Variants in TMEM45A observed in about 807,000 individuals in gnomAD.
TMEM45A encodes transmembrane protein 45A.
In TMEM45A, 25 loss-of-function variants were observed where a neutral mutation model predicts 32.0. The observed-to-expected ratio is 0.78, with a 90% CI of 0.57 to 1.09. The LOEUF is 1.09. TMEM45A is among the 50% of genes least tolerant of loss of function. The pLI, the probability that TMEM45A is intolerant of heterozygous loss-of-function variation, is 0.00. For synonymous variants in TMEM45A, 122 were observed against 114.8 expected (o/e 1.06, Z -0.40); for missense variants, 302 against 325.0 (o/e 0.93, Z 0.54).
At chr3:100,499,206 ATTTC>A (rs1181452114) in intron 1 of TMEM45A, among the ~76,000 whole-genome samples, 1 of 152,092 alleles carries the variant, frequency 6.6e-6, no homozygotes, top group African/African-American at 2.4e-5. Flanking sequence ...TGATGGTCTA[ATTTC>A]TTTATTTTTT....
chr3:100,532,420 G>A (rs930217449), intron 1 of TMEM45A, among the ~76,000 whole-genome samples: 12 of 152,282 alleles, frequency 7.9e-5, no homozygotes, highest in Middle Eastern at 3.4e-3. Context: ...AGGCTTTTCC[G>A]GCTTTAATGT....
At position 100,548,425 on chromosome 3, in the gene TMEM45A, T is replaced by G. The variant is rs533813884; in HGVS notation, c.-3-6784T>G. Among the ~76,000 whole-genome samples, 7 of 152,346 alleles carry G rather than the reference T, an allele frequency of 4.6e-5. No homozygotes were observed. In the East Asian group the frequency reaches 1.3e-3, roughly 29 times the overall value. On this transcript the variant is annotated intron_variant, in intron 1 of 5. Coordinates refer to ENST00000323523, the MANE Select transcript of TMEM45A (RefSeq NM_018004.3). ...ATTTGGAAGGCTGGGCTTGCTAAGC[T>G]GAGAGTGAACGAGAAGCTCTCTTGC...
rs542338589 is a variant in TMEM45A, at chr3:100,565,282, C to T, written c.589-3540C>T. Among the ~76,000 whole-genome samples the T allele has an allele frequency of 2.6e-5, 4 of 152,282 alleles. No homozygotes were observed. In the South Asian group the frequency reaches 8.3e-4, roughly 32 times the overall value. On this transcript the variant is annotated intron_variant, in intron 4 of 5. Coordinates refer to ENST00000323523, the MANE Select transcript of TMEM45A (RefSeq NM_018004.3). ...ATGTACATGAGTGAGGATTACGTGA[C>T]AAGCACGTGGTGGTACCGCCATCTG...
At chr3:100,530,150 T>C (rs1003855073) in intron 1 of TMEM45A, among the ~76,000 whole-genome samples, 2 of 152,220 alleles carry the variant, frequency 1.3e-5, no homozygotes, top group African/African-American at 2.4e-5. Context: ...TATTCTTCCA[T>C]CCATTTCTCC....
chr3:100,559,160 T>C (rs1365209244), intron 4 of TMEM45A, among the ~76,000 whole-genome samples: 1 of 152,208 alleles, frequency 6.6e-6, no homozygotes, highest in Non-Finnish European at 1.5e-5. Flanking sequence ...GTTAACTCTT[T>C]AACCTTGATG....
chr3:100,532,450 A>T (rs962932138), intron 1 of TMEM45A, among the ~76,000 whole-genome samples: 5 of 152,224 alleles, frequency 3.3e-5, no homozygotes, highest in African/African-American at 1.2e-4. Flanking sequence ...ATCATTTAAA[A>T]ATGCAGATTC....
chr3:100,550,976 CTTTCAGTCCGTCTTTTTAGGCCTGGG>C, intron 1 of TMEM45A, among the ~76,000 whole-genome samples: 1 of 145,148 alleles, frequency 6.9e-6, no homozygotes, highest in South Asian at 2.2e-4. Flanking sequence ...ATGATGAAAT[CTTTCAGTCCGTCTTTTTAGGCCTGGG>C]TGAACTGCTT....
chr3:100,518,626 T>C (rs1576266115), intron 1 of TMEM45A, among the ~76,000 whole-genome samples: 1 of 152,218 alleles, frequency 6.6e-6, no homozygotes, highest in Non-Finnish European at 1.5e-5. Flanking sequence ...GAAATGGCCT[T>C]ATTGACTGGC....
At chr3:100,541,186 T>A (rs894955867) in intron 1 of TMEM45A, among the ~76,000 whole-genome samples, 16 of 152,196 alleles carry the variant, frequency 1.1e-4, no homozygotes, top group African/African-American at 3.9e-4. Flanking sequence ...TGTTTTTTGC[T>A]CATTCGATTG....
chr3:100,506,598 G>A (rs1576258112), intron 1 of TMEM45A, among the ~76,000 whole-genome samples: 1 of 152,130 alleles, frequency 6.6e-6, no homozygotes, highest in African/African-American at 2.4e-5. Context: ...TGGCTTCTGA[G>A]ATAGCACTTC....
At chr3:100,531,123 T>C (rs922421667) in intron 1 of TMEM45A, among the ~76,000 whole-genome samples, 14 of 152,222 alleles carry the variant, frequency 9.2e-5, no homozygotes, top group Non-Finnish European at 4.4e-5. Flanking sequence ...AAATTCTAAA[T>C]TCGATCATTT....
intron 1 of TMEM45A, among the ~76,000 whole-genome samples, chr3:100,528,628 C>G (rs1261010828): frequency 1.3e-5 from 2 of 152,110 alleles, no homozygotes; most frequent in African/African-American, 2.4e-5. Flanking sequence ...TCCACCTTTT[C>G]TTGTCTAAAT....
intron 1 of TMEM45A, among the ~76,000 whole-genome samples, chr3:100,511,353 A>G (rs1270325623): frequency 6.6e-6 from 1 of 152,124 alleles, no homozygotes; most frequent in African/African-American, 2.4e-5. Context: ...TCAACCCAGA[A>G]TTTCATATCC....
At chr3:100,542,913 T>C (rs543413433) in intron 1 of TMEM45A, among the ~76,000 whole-genome samples, 45 of 152,204 alleles carry the variant, frequency 3.0e-4, no homozygotes, top group African/African-American at 1.1e-3. Context: ...GGACAAGAGT[T>C]GAAAAACTTA....
intron 1 of TMEM45A, among the ~76,000 whole-genome samples, chr3:100,501,435 C>T (rs1447700622): frequency 1.3e-5 from 2 of 152,186 alleles, no homozygotes; most frequent in African/African-American, 4.8e-5. Flanking sequence ...AGGAGTTTCC[C>T]AGCTAAAGTT....
intron 1 of TMEM45A, among the ~76,000 whole-genome samples, chr3:100,525,835 A>G (rs537879329): frequency 6.6e-6 from 1 of 152,194 alleles, no homozygotes; most frequent in Non-Finnish European, 1.5e-5. Flanking sequence ...TCTAGGCTAC[A>G]GGGATGCGAC....
rs578163759 is a variant in TMEM45A at position 100,505,719 on chromosome 3, G to A, written c.-4+12791G>A. ...CCTTTTGCCTGACACAACCAAAAAT[G>A]TCAGATAAAATACATGAAATAATGA... On this transcript the variant is annotated intron_variant, in intron 1 of 5. Coordinates refer to ENST00000323523, the MANE Select transcript of TMEM45A (RefSeq NM_018004.3). Among the ~76,000 whole-genome samples, 7 of 152,274 alleles carry A rather than the reference G, an allele frequency of 4.6e-5. No individual in the cohort carries two copies. In the East Asian group the frequency reaches 1.4e-3, roughly 29 times the overall value.
At position 100,558,575 on chromosome 3, in the gene TMEM45A, A is replaced by G. The variant is rs1706269704; in HGVS notation, c.574A>G (p.Ser192Gly). 1 of 1,613,576 alleles carries G rather than the reference A, an allele frequency of 6.2e-7. No individual in the cohort carries two copies. The highest frequency in any genetic ancestry group is 1.7e-5 in the Admixed American group (1 of 59,958). ...GTCAAGTCTCATTCTGCTTCAGGGG[A>G]GCTGGTTCTTTCAGGTGAGTTGGGG... ...LRSSLILLQG[S>G]WFFQIGFVLY... Residue 192 changes from serine (S) to glycine (G), a missense_variant, in exon 4 of 6, where the codon AGC becomes GGC. Coordinates refer to ENST00000323523, the MANE Select transcript of TMEM45A (RefSeq NM_018004.3).
intron 1 of TMEM45A, among the ~76,000 whole-genome samples, chr3:100,547,148 G>A (rs372761276): frequency 2.6e-5 from 4 of 152,042 alleles, no homozygotes; most frequent in African/African-American, 9.6e-5. Flanking sequence ...TTGAGTCAGA[G>A]TCTTGCTCTG....
Sources: allele counts gnomAD v4.1 joint callset (sites outside exome capture counted in the v4.1 genomes callset), GRCh38; gene constraint gnomAD v4.1.1; transcripts MANE v1.5; gene names NCBI Gene and HGNC (gene_info 2026-07-23, HGNC 2026-07-21).